Variants in PSD3 observed in about 807,000 individuals in gnomAD.
PSD3 encodes the protein PH and SEC7 domain-containing protein 3.
In PSD3, 49 loss-of-function variants were observed where a neutral mutation model predicts 105.5. The observed-to-expected ratio is 0.46, with a 90% CI of 0.37 to 0.59. The LOEUF is 0.59. Among genes scored for constraint, PSD3 ranks in the 20% least tolerant of loss-of-function variants. The pLI is 0.00. For synonymous variants in PSD3, 557 were observed against 457.8 expected (o/e 1.22, Z -2.77); for missense variants, 1,561 against 1,263.8 (o/e 1.24, Z -3.57).
chr8:18,551,956 C>T (rs1325129735), intron 15 of PSD3, among the ~76,000 whole-genome samples: 1 of 152,188 alleles, frequency 6.6e-6, no homozygotes, highest in East Asian at 1.9e-4. Context: ...ATGACACTTA[C>T]TGTAGAAAGT....
intron 1 of PSD3, among the ~76,000 whole-genome samples, chr8:18,950,093 A>G (rs889072419): frequency 6.6e-6 from 1 of 152,138 alleles, no homozygotes; most frequent in African/African-American, 2.4e-5. Context: ...TATTTAAACT[A>G]TAGCTTTGTC....
intron 15 of PSD3, among the ~76,000 whole-genome samples, chr8:18,548,587 C>T (rs1800583143): frequency 1.3e-5 from 2 of 152,176 alleles, no homozygotes; most frequent in Non-Finnish European, 2.9e-5. Context: ...TTCTCTTGAT[C>T]CTGCAAGGCT....
chr8:18,574,973 A>C (rs985813212), intron 13 of PSD3, among the ~76,000 whole-genome samples, 155 bp downstream of exon 13: 4 of 152,184 alleles, frequency 2.6e-5, no homozygotes, highest in African/African-American at 4.8e-5. Context: ...TTTTTACTCT[A>C]ATCTTCTTAG....
chr8:18,565,997 C>T (rs2130260275), intron 14 of PSD3, among the ~76,000 whole-genome samples: 1 of 152,148 alleles, frequency 6.6e-6, no homozygotes, highest in African/African-American at 2.4e-5. Context: ...TCGAATATGC[C>T]TGGGTTAAAG....
intron 4 of PSD3, among the ~76,000 whole-genome samples, chr8:18,815,433 C>T (rs141435562): frequency 0.036 from 5,477 of 152,118 alleles, 163 homozygotes; most frequent in Non-Finnish European, 0.055. Context: ...CTCAGACTCC[C>T]GAGTAGCTGG....
chr8:18,786,836 T>C (rs932912995), intron 8 of PSD3: 1 of 152,264 alleles, frequency 6.6e-6, no homozygotes, highest in Non-Finnish European at 1.5e-5. Flanking sequence ...CTGATCATTC[T>C]TCTAGGCAAG....
At chr8:19,058,135 CT>C (rs1828771750) in intron 1 of PSD3, among the ~76,000 whole-genome samples, 1 of 152,126 alleles carries the variant, frequency 6.6e-6, no homozygotes, top group African/African-American at 2.4e-5. Context: ...CATGAAATAA[CT>C]TGGTTGAATC....
intron 14 of PSD3, among the ~76,000 whole-genome samples, chr8:18,568,579 T>C (rs1801940387): frequency 6.6e-6 from 1 of 152,184 alleles, no homozygotes; most frequent in Non-Finnish European, 1.5e-5. Context: ...CATTCTACAC[T>C]TTCAAGGTCT....
At chr8:18,989,792 CCCAA>C (rs1188466452) in intron 1 of PSD3, among the ~76,000 whole-genome samples, 1 of 152,154 alleles carries the variant, frequency 6.6e-6, no homozygotes, top group Non-Finnish European at 1.5e-5. Context: ...CTGACATATG[CCCAA>C]CCAAGTGGCT....
intron 10 of PSD3, among the ~76,000 whole-genome samples, chr8:18,653,673 G>T (rs547782676): frequency 6.6e-6 from 1 of 151,494 alleles, no homozygotes; most frequent in African/African-American, 2.4e-5. Flanking sequence ...GTAAACTCCC[G>T]CCCCTCCACC....
At chr8:18,619,507 G>A (rs1381407376) in intron 11 of PSD3, among the ~76,000 whole-genome samples, 5 of 152,060 alleles carry the variant, frequency 3.3e-5, no homozygotes, top group Admixed American at 2.6e-4. Context: ...GCCGGGTGTG[G>A]TGGTGCGTGC....
chr8:19,044,739 A>G (rs17469510), intron 1 of PSD3, among the ~76,000 whole-genome samples: 14 of 152,266 alleles, frequency 9.2e-5, no homozygotes, highest in African/African-American at 3.4e-4. Context: ...TGGAAGTGCT[A>G]TGAGAACTTT....
intron 2 of PSD3, among the ~76,000 whole-genome samples, chr8:18,912,126 C>G (rs1820262688): frequency 6.6e-6 from 1 of 152,142 alleles, no homozygotes; most frequent in African/African-American, 2.4e-5. Flanking sequence ...TGGGGCCTAC[C>G]AAAATGTCCA....
intron 9 of PSD3, among the ~76,000 whole-genome samples, chr8:18,696,909 G>C (rs771781683): frequency 6.6e-6 from 1 of 152,050 alleles, no homozygotes; most frequent in Non-Finnish European, 1.5e-5. Flanking sequence ...TAACTTTAAC[G>C]ATGCATCTTG....
intron 2 of PSD3, among the ~76,000 whole-genome samples, chr8:18,925,638 A>T (rs1197305269): frequency 1.3e-5 from 2 of 152,190 alleles, no homozygotes; most frequent in Non-Finnish European, 2.9e-5. Context: ...AGACAACATG[A>T]TGAAAATGTG....
chr8:18,726,250 A>G (rs1803327485), intron 9 of PSD3, among the ~76,000 whole-genome samples: 2 of 152,218 alleles, frequency 1.3e-5, no homozygotes, highest in South Asian at 4.1e-4. Context: ...CTACACTGAC[A>G]TCGATGAGCT....
intron 12 of PSD3, among the ~76,000 whole-genome samples, chr8:18,589,742 T>C (rs977753301): frequency 6.6e-6 from 1 of 152,070 alleles, no homozygotes; most frequent in Non-Finnish European, 1.5e-5. Flanking sequence ...GCCAAGGAGA[T>C]GGGCGAGGAG....
chr8:18,570,623 C>G (rs13281280), intron 14 of PSD3, among the ~76,000 whole-genome samples: 61,468 of 143,890 alleles, frequency 0.43, 15,263 homozygotes, highest in Non-Finnish European at 0.56. Context: ...AACAAATTTA[C>G]AAGAAAAAAA....
At chr8:18,694,960 T>C (rs1206664860) in intron 9 of PSD3, among the ~76,000 whole-genome samples, 2 of 152,308 alleles carry the variant, frequency 1.3e-5, no homozygotes, top group South Asian at 2.1e-4. Flanking sequence ...AAAAATCTAA[T>C]ACATTTTTAT....
Sources: allele counts gnomAD v4.1 joint callset (sites outside exome capture counted in the v4.1 genomes callset), GRCh38; gene constraint gnomAD v4.1.1; transcripts MANE v1.5; gene names NCBI Gene and HGNC (gene_info 2026-07-23, HGNC 2026-07-21).